Variants in LCT observed in about 807,000 individuals in gnomAD.
LCT encodes lactase/phlorizin hydrolase.
Under a neutral mutation model 173.0 loss-of-function variants are expected in LCT, and 90 were observed. That is an observed-to-expected ratio of 0.52 (90% CI 0.44 to 0.62). LCT has a LOEUF of 0.62. Among genes scored for constraint, LCT ranks in the 20% least tolerant of loss-of-function variants. The pLI is 0.00. For synonymous variants in LCT, 853 were observed against 957.6 expected (o/e 0.89, Z 2.02); for missense variants, 1,864 against 2,431.4 (o/e 0.77, Z 4.91).
chr2:135,817,354 A>G lies in LCT; in HGVS notation c.1694T>C (p.Val565Ala). 1 of 1,613,712 alleles carries G rather than the reference A, an allele frequency of 6.2e-7. No homozygotes were observed. The highest frequency in any genetic ancestry group is 8.5e-7 in the Non-Finnish European group (1 of 1,179,842). The change falls in exon 6 of 17, where the codon GTG (valine) becomes GCG (alanine). Residue 565 changes from valine (V) to alanine (A), a missense_variant. Physicochemically the swap from Val to Ala is moderately conservative, Grantham distance 64 (BLOSUM62 0). Coordinates refer to ENST00000264162, the MANE Select transcript of LCT (RefSeq NM_002299.4). ...GTTGGGAAGTACCTTAAAAGAGGCCACTCCTGGGTCAGAGATGCCGGGAGG... is the reference window on the plus strand; with the variant it reads ...GTTGGGAAGTACCTTAAAAGAGGCCGCTCCTGGGTCAGAGATGCCGGGAGG... ...QHPPGISDPGVASFKVAHLVL... is the reference protein window; with the variant it reads ...QHPPGISDPGAASFKVAHLVL...
intron 13 of LCT, among the ~76,000 whole-genome samples, chr2:135,797,017 G>A (rs576957159): frequency 2.0e-5 from 3 of 148,244 alleles, no homozygotes; most frequent in East Asian, 4.0e-4. Context: ...GCATGATCTC[G>A]GCTCACTGCA....
At chr2:135,791,310 C>G (rs1277402107) in intron 14 of LCT, among the ~76,000 whole-genome samples, 1 of 152,260 alleles carries the variant, frequency 6.6e-6, no homozygotes, top group Non-Finnish European at 1.5e-5. Flanking sequence ...CACTTGCAGA[C>G]CACGGGTGAG....
In LCT at chr2:135,817,569, G is replaced by A; in HGVS notation, c.1479C>T (p.Ala493=). ...RLQDAGIEPM[A]TLFHWDLPQA... ...GAGGCAGGTCCCAGTGGAACAGCGT[G>A]GCCATGGGCTCGATGCCCGCATCCT... The change falls in exon 6 of 17, where the codon GCC becomes GCT. Residue 493 remains alanine (A), a synonymous_variant. Coordinates refer to ENST00000264162, the MANE Select transcript of LCT (RefSeq NM_002299.4). 6.2e-7 allele frequency: 1 copy of A among 1,614,176 alleles called. No homozygotes were observed. The highest frequency in any genetic ancestry group is 1.7e-5 in the Admixed American group (1 of 60,030).
chr2:135,825,704 C>T (rs1248689402), intron 3 of LCT, among the ~76,000 whole-genome samples: 2 of 152,166 alleles, frequency 1.3e-5, no homozygotes, highest in Non-Finnish European at 2.9e-5. Flanking sequence ...CAGCTGTGTG[C>T]CGTTGGGGAG....
At chr2:135,803,411 G>C (rs2077643281) in intron 11 of LCT, among the ~76,000 whole-genome samples, 1 of 152,158 alleles carries the variant, frequency 6.6e-6, no homozygotes, top group South Asian at 2.1e-4. Flanking sequence ...GTACCTATCA[G>C]CCCCATGGGC....
intron 5 of LCT, among the ~76,000 whole-genome samples, chr2:135,819,647 C>G (rs1372838316): frequency 2.0e-5 from 3 of 152,334 alleles, no homozygotes; most frequent in Non-Finnish European, 4.4e-5. Flanking sequence ...CACTCAGCAT[C>G]AACTCCCTGA....
At position 135,836,818 on chromosome 2, in the gene LCT, TGAG is replaced by T; in HGVS notation, c.349_351del (p.Leu117del). The T allele has an allele frequency of 6.2e-7, 1 of 1,614,134 alleles. No individual in the cohort carries two copies. Among genetic ancestry groups the T allele is most frequent in the African/African-American group, 1.3e-5 (1 of 75,016 alleles). On this transcript the variant is annotated inframe_deletion, in exon 1 of 17. Transcript: ENST00000264162. The stretch of plus-strand genomic sequence containing the variant: ...TGAAGCCGTGCAGTCTTGAGGGCCT[TGAG>T]GAGTCGCCGGTAGCACTGCACTGTT...
At position 135,836,515 on chromosome 2, in the gene LCT, T is replaced by C; in HGVS notation, c.640+15A>G. The C allele has an allele frequency of 6.2e-7, 1 of 1,613,038 alleles. No individual in the cohort carries two copies. The highest frequency in any genetic ancestry group is 8.5e-7 in the Non-Finnish European group (1 of 1,179,130). ...AGGTTGCCGAGGGGTCACCATCAGG[T>C]CAATGTGTACTCACCCTGAAAAGCA... On this transcript the variant is annotated intron_variant, in intron 1 of 16. Transcript: ENST00000264162.
intron 6 of LCT, among the ~76,000 whole-genome samples, chr2:135,815,822 C>G (rs948672367): frequency 6.6e-6 from 1 of 152,096 alleles, no homozygotes; most frequent in African/African-American, 2.4e-5. Flanking sequence ...GCCTCAGCCT[C>G]CCAAGTAGAT....
chr2:135,791,889 C>G (rs2077535572), intron 14 of LCT, among the ~76,000 whole-genome samples: 1 of 152,248 alleles, frequency 6.6e-6, no homozygotes, highest in South Asian at 2.1e-4. Context: ...AGATAAGAGA[C>G]AGGACTTAGG....
At chr2:135,795,604 CTAA>C (rs768794511) in intron 13 of LCT, among the ~76,000 whole-genome samples, 144 of 146,062 alleles carry the variant, frequency 9.9e-4, no homozygotes, top group Admixed American at 1.7e-3. Context: ...TTCTCCAACT[CTAA>C]TAATAATAAT....
At chr2:135,797,094 C>T (rs2105522671) in intron 13 of LCT, among the ~76,000 whole-genome samples, 1 of 151,906 alleles carries the variant, frequency 6.6e-6, no homozygotes. Flanking sequence ...ATTACAGGCC[C>T]CCGCCACCGC....
intron 12 of LCT, among the ~76,000 whole-genome samples, chr2:135,799,177 A>G (rs2077605916): frequency 6.6e-6 from 1 of 152,114 alleles, no homozygotes; most frequent in Non-Finnish European, 1.5e-5. Context: ...TATTAATTTG[A>G]CTATCTTTGT....
At position 135,812,619 on chromosome 2, in the gene LCT, C is replaced by T; in HGVS notation, c.2045G>A (p.Gly682Asp). 1.2e-6 allele frequency: 2 copies of T among 1,610,846 alleles called. No homozygotes were observed. Among genetic ancestry groups the T allele is most frequent in the East Asian group, 2.2e-5 (1 of 44,814 alleles). ...QLLKGSADFL[G>D]LSHYTSRLIS... is the part of the protein sequence containing the mutation. ...GAGGCGGGAGGTGTAATGCGACAGA[C>T]CCAGAAAATCAGCAGAGCCTTTCAG... Residue 682 changes from glycine to aspartate, a missense_variant, in exon 7 of 17, where the codon GGT becomes GAT. This residue lies in a region of LCT where 755 missense variants were observed against 926.3 expected (regional missense o/e 0.82). Transcript: ENST00000264162.
chr2:135,819,589 C>T (rs528224988), intron 5 of LCT, among the ~76,000 whole-genome samples: 2 of 152,192 alleles, frequency 1.3e-5, no homozygotes, highest in South Asian at 2.1e-4. Flanking sequence ...AGCCTGGGGC[C>T]GGGTCACCCA....
rs2077596480 is a variant in LCT, at chr2:135,798,038, T to C, written c.4967A>G (p.Asn1656Ser). The part of the protein sequence containing the change: ...IRDRSLAAGL[N>S]KSRLPEFTES... ...GGCACCAGGCCCTTACCGAGACTTG[T>C]TGAGGCCTGCAGCCAAGCTCCTGTC... Residue 1656 changes from asparagine to serine, a missense_variant, in exon 13 of 17, where the codon AAC becomes AGC. Coordinates refer to ENST00000264162, the MANE Select transcript of LCT (RefSeq NM_002299.4). The C allele has an allele frequency of 3.7e-6, 6 of 1,602,000 alleles. No homozygotes were observed. Among genetic ancestry groups the C allele is most frequent in the South Asian group, 2.2e-5 (2 of 90,878 alleles).
intron 3 of LCT, among the ~76,000 whole-genome samples, chr2:135,828,110 C>T (rs920734434): frequency 2.0e-5 from 3 of 152,102 alleles, no homozygotes; most frequent in Non-Finnish European, 2.9e-5. Context: ...CTGCAACCTC[C>T]GCCTCCCAGG....
intron 16 of LCT, among the ~76,000 whole-genome samples, chr2:135,788,780 C>T (rs916467650): frequency 2.6e-5 from 4 of 152,218 alleles, no homozygotes; most frequent in African/African-American, 7.2e-5. Flanking sequence ...TATCCCTTAT[C>T]TGACATGCTT....
chr2:135,829,175 A>G (rs1349160671), intron 3 of LCT, among the ~76,000 whole-genome samples: 1 of 152,056 alleles, frequency 6.6e-6, no homozygotes, highest in Non-Finnish European at 1.5e-5. Context: ...TGGGCAACCG[A>G]GGAAGACTCC....
Sources: gnomAD v4.1 joint callset for allele counts (sites outside exome capture counted in the v4.1 genomes callset) on GRCh38, gnomAD v4.1.1 for gene constraint, gnomAD v4.1.1 regional missense constraint, MANE v1.5 for transcripts, NCBI Gene and HGNC (gene_info 2026-07-23, HGNC 2026-07-21) for gene names.